CCSER1: variants seen among roughly 807,000 people sequenced by gnomAD.
CCSER1 encodes coiled-coil serine rich protein 1.
CCSER1 carries 41 observed loss-of-function variants against 82.0 expected under a neutral mutation model. The observed-to-expected ratio is 0.50, with a 90% CI of 0.39 to 0.65. The LOEUF (loss-of-function observed/expected upper bound fraction) is 0.65. CCSER1 is among the 30% of genes least tolerant of loss of function. The pLI is 0.00. For missense variants in CCSER1, 1,119 were observed against 1,064.2 expected, an observed-to-expected ratio of 1.05 and a Z score of -0.72; for synonymous variants, 414 against 383.9, an observed-to-expected ratio of 1.08 and a Z score of -0.92.
intron 10 of CCSER1, among the ~76,000 whole-genome samples, chr4:91,135,856 C>A (rs1728415084): frequency 6.6e-6 from 1 of 152,078 alleles, no homozygotes; most frequent in Admixed American, 6.6e-5. Flanking sequence ...TTAAAAATAT[C>A]TTCTAACTAA....
chr4:90,442,380 C>T (rs1332493989), intron 4 of CCSER1, among the ~76,000 whole-genome samples: 1 of 152,068 alleles, frequency 6.6e-6, no homozygotes, highest in Non-Finnish European at 1.5e-5. Context: ...TGTCTACGGT[C>T]CCCAAGGACC....
chr4:91,102,473 T>C (rs1228975138), intron 10 of CCSER1, among the ~76,000 whole-genome samples: 1 of 152,186 alleles, frequency 6.6e-6, no homozygotes. Flanking sequence ...AAGTAAGATT[T>C]TGTAGCTTTA....
intron 10 of CCSER1, among the ~76,000 whole-genome samples, chr4:91,440,051 A>T (rs1304207832): frequency 1.3e-5 from 2 of 152,170 alleles, no homozygotes; most frequent in African/African-American, 4.8e-5. Flanking sequence ...CATTAGACAG[A>T]TCAACGAGAC....
At chr4:90,402,793 CT>C (rs1049177793) in intron 4 of CCSER1, among the ~76,000 whole-genome samples, 3 of 152,112 alleles carry the variant, frequency 2.0e-5, no homozygotes, top group African/African-American at 7.2e-5. Context: ...TTAGTCTCTC[CT>C]TTACGAAGTA....
At chr4:91,150,174 C>A (rs868182938) in intron 10 of CCSER1, among the ~76,000 whole-genome samples, 4 of 152,212 alleles carry the variant, frequency 2.6e-5, no homozygotes, top group Middle Eastern at 3.4e-3. Context: ...GTTTGTAATT[C>A]TCCTTGAAGA....
chr4:90,309,112 A>C lies in CCSER1; in HGVS notation c.828A>C (p.Lys276Asn). The C allele has an allele frequency of 6.2e-7, 1 of 1,613,900 alleles. No homozygotes were observed. The highest frequency in any genetic ancestry group is 8.5e-7 in the Non-Finnish European group (1 of 1,179,848). The part of the protein sequence containing the change: ...DSVSEMDAFS[K>N]SGSMASHCDN... ...TGTCTGAAATGGATGCATTTTCTAAAAGTGGAAGCATGGCATCCCACTGTG... is the reference window on the plus strand; with the variant it reads ...TGTCTGAAATGGATGCATTTTCTAACAGTGGAAGCATGGCATCCCACTGTG... Residue 276 changes from lysine (K) to asparagine (N), a missense_variant, in exon 2 of 11, where the codon AAA (lysine) becomes AAC (asparagine). Transcript: ENST00000509176.
At chr4:91,371,998 A>G (rs1750083299) in intron 10 of CCSER1, among the ~76,000 whole-genome samples, 1 of 152,218 alleles carries the variant, frequency 6.6e-6, no homozygotes, top group Non-Finnish European at 1.5e-5. Flanking sequence ...TCAAAGATGT[A>G]CTGACTTATT....
intron 4 of CCSER1, among the ~76,000 whole-genome samples, chr4:90,459,400 C>T (rs1762597961): frequency 6.6e-6 from 1 of 151,748 alleles, no homozygotes; most frequent in South Asian, 2.1e-4. Context: ...TAATTCTGTC[C>T]CCCTAAAATG....
chr4:90,499,357 T>A (rs1274100800), intron 5 of CCSER1, among the ~76,000 whole-genome samples: 1 of 152,294 alleles, frequency 6.6e-6, no homozygotes, highest in East Asian at 1.9e-4. Flanking sequence ...TCTCTATATA[T>A]GAAATGCTGC....
intron 10 of CCSER1, among the ~76,000 whole-genome samples, chr4:91,296,483 A>ATATATATATTATTTATT (rs1175690764): frequency 8.1e-6 from 1 of 124,062 alleles, no homozygotes; most frequent in African/African-American, 3.4e-5. Flanking sequence ...ATATATATAT[A>ATATATATATTATTTATT]TATTTTAATT....
At chr4:91,225,746 GT>G (rs1203317182) in intron 10 of CCSER1, among the ~76,000 whole-genome samples, 2 of 151,678 alleles carry the variant, frequency 1.3e-5, no homozygotes, top group Admixed American at 6.6e-5. Context: ...TCAGAGTTTG[GT>G]TTAAATCCTG....
chr4:91,406,423 A>G (rs193078808), intron 10 of CCSER1, among the ~76,000 whole-genome samples: 24 of 152,278 alleles, frequency 1.6e-4, no homozygotes, highest in African/African-American at 4.8e-4. Flanking sequence ...TTAGGATTCA[A>G]TGTGGTTCTT....
chr4:90,553,217 C>T (rs1023767765), intron 5 of CCSER1, among the ~76,000 whole-genome samples: 8 of 152,036 alleles, frequency 5.3e-5, no homozygotes, highest in Non-Finnish European at 8.8e-5. Context: ...ATCTACCTGC[C>T]TTGGCCCCAC....
chr4:90,312,574 G>A (rs1735493673), intron 2 of CCSER1, among the ~76,000 whole-genome samples: 1 of 152,118 alleles, frequency 6.6e-6, no homozygotes, highest in Admixed American at 6.6e-5. Flanking sequence ...GTCTTAGAAG[G>A]AGAGGTAGAA....
chr4:90,794,796 A>G (rs886680732), intron 7 of CCSER1, among the ~76,000 whole-genome samples: 10 of 152,154 alleles, frequency 6.6e-5, no homozygotes, highest in African/African-American at 2.4e-4. Flanking sequence ...ATTCCTATCT[A>G]TGAGCATGGA....
At chr4:90,200,101 T>C (rs1737403467) in intron 1 of CCSER1, among the ~76,000 whole-genome samples, 1 of 140,002 alleles carries the variant, frequency 7.1e-6, no homozygotes, top group Admixed American at 7.2e-5. Flanking sequence ...CACTTTTTTT[T>C]CTGACTGCTG....
At chr4:90,509,498 A>T (rs1188224559) in intron 5 of CCSER1, among the ~76,000 whole-genome samples, 1 of 152,172 alleles carries the variant, frequency 6.6e-6, no homozygotes, top group Non-Finnish European at 1.5e-5. Flanking sequence ...ATTTTCTACC[A>T]CTACAATTGC....
chr4:91,507,193 A>G (rs1355161842), intron 10 of CCSER1, among the ~76,000 whole-genome samples: 1 of 152,144 alleles, frequency 6.6e-6, no homozygotes, highest in African/African-American at 2.4e-5. Context: ...TAACATTCTG[A>G]TGAACTGCCA....
At chr4:91,108,575 A>G (rs1179266263) in intron 10 of CCSER1, among the ~76,000 whole-genome samples, 1 of 152,234 alleles carries the variant, frequency 6.6e-6, no homozygotes, top group African/African-American at 2.4e-5. Flanking sequence ...GATTTACTTT[A>G]TACTCTGACG....
Sources: gnomAD v4.1 joint callset for allele counts (sites outside exome capture counted in the v4.1 genomes callset) on GRCh38, gnomAD v4.1.1 for gene constraint, MANE v1.5 for transcripts, NCBI Gene and HGNC (gene_info 2026-07-23, HGNC 2026-07-21) for gene names.